The following PLA2G4E variants were observed in gnomAD, a reference collection of about 807,000 sequenced individuals.
PLA2G4E encodes the protein cytosolic phospholipase A2 epsilon.
PLA2G4E carries 84 observed loss-of-function variants against 109.1 expected under a neutral mutation model. The ratio of observed to expected loss-of-function variants is 0.77; its 90% CI spans 0.65 to 0.92. PLA2G4E has a LOEUF of 0.92. Among genes scored for constraint, PLA2G4E ranks in the 40% least tolerant of loss-of-function variants. The probability of loss-of-function intolerance (pLI) is 0.00; values close to 1 mark genes in which losing one functional copy is unlikely to be tolerated. For synonymous variants in PLA2G4E, 469 were observed against 436.1 expected (o/e 1.08, Z -0.94); for missense variants, 1,057 against 1,076.6 (o/e 0.98, Z 0.25).
In PLA2G4E at chr15:41,987,440, AGCCCCACATGGTT is replaced by A. The variant is rs2068161184; in HGVS notation, c.1832-78_1832-66del. On this transcript the variant is annotated intron_variant, in intron 16 of 19. Transcript: ENST00000399518. The stretch of plus-strand genomic sequence containing the variant: ...TGGAGTCCCCAGATTGCCTATGCGA[AGCCCCACATGGTT>A]GCCTGGCACCCAGGGGTGAGCACTG... 3 of 1,498,664 alleles carry A rather than the reference AGCCCCACATGGTT, an allele frequency of 2.0e-6. No individual in the cohort carries two copies. The African/African-American group carries it at 4.1e-5, about 21-fold the overall frequency. 92.8% of individuals were successfully genotyped at this position (1,498,664 alleles called of 1,614,324 possible). A position where few individuals can be genotyped will look rare whatever the true frequency, so the allele number is the denominator to read the frequency against.
At chr15:41,989,498 A>G in exon 15 of PLA2G4E, 3 of 1,613,918 alleles carry the variant, frequency 1.9e-6, no homozygotes, top group Non-Finnish European at 2.5e-6. Context: ...CTCGGAGGGG[A>G]TGAAGGCCCC....
intron 1 of PLA2G4E, among the ~76,000 whole-genome samples, chr15:42,024,496 C>A (rs141720018): frequency 1.4e-3 from 211 of 152,314 alleles, no homozygotes; most frequent in Middle Eastern, 0.01. Flanking sequence ...GATGGGGTGA[C>A]CAGGCACTGC....
intron 11 of PLA2G4E, among the ~76,000 whole-genome samples, chr15:41,995,798 G>C (rs1208253136): frequency 3.9e-5 from 6 of 152,230 alleles, no homozygotes; most frequent in African/African-American, 1.4e-4. Flanking sequence ...CTAGCCCTCG[G>C]TTAACAGGTG....
At chr15:42,045,560 G>A (rs113673034) in intron 1 of PLA2G4E, among the ~76,000 whole-genome samples, 2 of 152,206 alleles carry the variant, frequency 1.3e-5, no homozygotes, top group Middle Eastern at 3.2e-3. Flanking sequence ...CCTGCTCTGT[G>A]CTCAGAAAGA....
At chr15:42,007,921 A>C in intron 2 of PLA2G4E, 56 bp from the exon 3 acceptor site, 1 of 1,543,096 alleles carries the variant, frequency 6.5e-7, no homozygotes, top group Non-Finnish European at 8.8e-7. Flanking sequence ...ATGTGGAGTC[A>C]AAAGGGAACT....
chr15:42,016,526 G>A (rs1044189379), intron 1 of PLA2G4E, among the ~76,000 whole-genome samples: 1 of 151,912 alleles, frequency 6.6e-6, no homozygotes, highest in Non-Finnish European at 1.5e-5. Context: ...TAGTAGAGAC[G>A]CAGTTTCACC....
intron 17 of PLA2G4E, among the ~76,000 whole-genome samples, chr15:41,986,670 C>T (rs887889123): frequency 6.6e-6 from 1 of 152,102 alleles, no homozygotes; most frequent in Non-Finnish European, 1.5e-5. Flanking sequence ...GTGCTCATCA[C>T]CATGCCCAGC....
intron 16 of PLA2G4E, among the ~76,000 whole-genome samples, chr15:41,987,638 G>A (rs897792132): frequency 2.0e-5 from 3 of 152,112 alleles, no homozygotes; most frequent in African/African-American, 7.2e-5. Flanking sequence ...GTTTCAAAGA[G>A]TGACCTGTGA....
At chr15:41,999,939 C>G in exon 9 of PLA2G4E, 1 of 1,610,972 alleles carries the variant, frequency 6.2e-7, no homozygotes, top group South Asian at 1.1e-5. Flanking sequence ...CATCACCTGA[C>G]CATCGGAAAG....
At chr15:42,019,674 T>C (rs560181000) in intron 1 of PLA2G4E, among the ~76,000 whole-genome samples, 81 of 152,262 alleles carry the variant, frequency 5.3e-4, no homozygotes, top group Non-Finnish European at 8.8e-5. Flanking sequence ...AGGAGACCAT[T>C]GGGAGGGGAC....
At chr15:42,038,444 T>C (rs1889255748) in intron 1 of PLA2G4E, among the ~76,000 whole-genome samples, 1 of 152,076 alleles carries the variant, frequency 6.6e-6, no homozygotes, top group Non-Finnish European at 1.5e-5. Flanking sequence ...CATTTGGGGG[T>C]GATGGGAGAC....
chr15:42,032,777 G>A (rs949188075), intron 1 of PLA2G4E, among the ~76,000 whole-genome samples: 2 of 152,222 alleles, frequency 1.3e-5, no homozygotes, highest in East Asian at 1.9e-4. Flanking sequence ...GTAAGACACA[G>A]ACTAAAAATT....
At chr15:42,032,027 C>T (rs1014676049) in intron 1 of PLA2G4E, among the ~76,000 whole-genome samples, 2 of 152,116 alleles carry the variant, frequency 1.3e-5, no homozygotes, top group African/African-American at 4.8e-5. Context: ...TGAGTTCATG[C>T]AAGATCTAGT....
intron 1 of PLA2G4E, among the ~76,000 whole-genome samples, chr15:42,015,368 T>C (rs1024484670): frequency 6.6e-6 from 1 of 152,204 alleles, no homozygotes; most frequent in African/African-American, 2.4e-5. Context: ...CCTCTGCCTG[T>C]TGCCCTTGGC....
exon 8 of PLA2G4E, chr15:42,000,168 T>G (rs775730363): frequency 7.5e-6 from 12 of 1,595,730 alleles, no homozygotes; most frequent in Non-Finnish European, 1.0e-5. Flanking sequence ...CTTGGGGTAG[T>G]GGAAGCAGGC....
At chr15:41,994,338 C>T (rs1034056129) in intron 12 of PLA2G4E, among the ~76,000 whole-genome samples, 1 of 152,196 alleles carries the variant, frequency 6.6e-6, no homozygotes, top group Non-Finnish European at 1.5e-5. Flanking sequence ...CTTGGCTTTC[C>T]AAGGCCCATT....
At chr15:42,037,828 C>T (rs1165507277) in intron 1 of PLA2G4E, among the ~76,000 whole-genome samples, 1 of 152,232 alleles carries the variant, frequency 6.6e-6, no homozygotes, top group Non-Finnish European at 1.5e-5. Flanking sequence ...TTGCGGTGCA[C>T]CTGGAGCTGC....
At chr15:42,029,512 T>C (rs1889078108) in intron 1 of PLA2G4E, among the ~76,000 whole-genome samples, 1 of 152,226 alleles carries the variant, frequency 6.6e-6, no homozygotes, top group African/African-American at 2.4e-5. Flanking sequence ...CTGTACTCTC[T>C]TGCTCATACA....
At chr15:42,031,199 G>A (rs1424859130) in intron 1 of PLA2G4E, among the ~76,000 whole-genome samples, 2 of 151,994 alleles carry the variant, frequency 1.3e-5, no homozygotes, top group East Asian at 1.9e-4. Flanking sequence ...GAACTTCTGG[G>A]CTCAAGAAAT....
Sources: gnomAD v4.1 joint callset for allele counts (sites outside exome capture counted in the v4.1 genomes callset) on GRCh38, gnomAD v4.1.1 for gene constraint, MANE v1.5 for transcripts, NCBI Gene and HGNC (gene_info 2026-07-23, HGNC 2026-07-21) for gene names.